ATF6: variants seen among roughly 807,000 people sequenced by gnomAD.
The protein encoded by ATF6 is cyclic AMP-dependent transcription factor ATF-6 alpha.
A neutral mutation model predicts 83.6 loss-of-function variants in ATF6; 53 were observed. The observed-to-expected ratio is 0.63, with a 90% CI of 0.51 to 0.80. The LOEUF is 0.80. Ranked by LOEUF, ATF6 falls within the 30% of genes least tolerant of loss-of-function variation. ATF6 has a pLI of 0.00. For missense variants in ATF6, 744 were observed against 797.9 expected (o/e 0.93, Z 0.81); for synonymous variants, 288 against 285.8 (o/e 1.01, Z -0.08).
intron 9 of ATF6, among the ~76,000 whole-genome samples, chr1:161,842,267 C>T (rs1332052765): frequency 6.6e-6 from 1 of 152,142 alleles, no homozygotes; most frequent in African/African-American, 2.4e-5. Context: ...TTGGTAAAGT[C>T]ACCTAGACTA....
chr1:161,916,507 A>G (rs1475256397), intron 15 of ATF6, among the ~76,000 whole-genome samples: 1 of 152,186 alleles, frequency 6.6e-6, no homozygotes, highest in East Asian at 1.9e-4. Flanking sequence ...TTGCATAACC[A>G]CAATAAAATG....
intron 15 of ATF6, among the ~76,000 whole-genome samples, chr1:161,929,022 TC>T (rs1558029561): frequency 6.6e-6 from 1 of 152,214 alleles, no homozygotes; most frequent in Non-Finnish European, 1.5e-5. Flanking sequence ...TTGAAAACAG[TC>T]AATGTAACTC....
intron 1 of ATF6, among the ~76,000 whole-genome samples, chr1:161,774,469 T>G (rs1405458191): frequency 2.0e-5 from 3 of 151,924 alleles, no homozygotes; most frequent in Non-Finnish European, 4.4e-5. Flanking sequence ...ATTTTAAAAT[T>G]TTGAAATAGT....
chr1:161,800,117 GAT>G (rs1031611817), intron 6 of ATF6, among the ~76,000 whole-genome samples: 3 of 152,114 alleles, frequency 2.0e-5, no homozygotes, highest in Admixed American at 6.6e-5. Flanking sequence ...ATTTTTAATA[GAT>G]TAGTGTTATG....
At chr1:161,796,321 T>C (rs996884347) in intron 6 of ATF6, among the ~76,000 whole-genome samples, 2 of 152,226 alleles carry the variant, frequency 1.3e-5, no homozygotes, top group Non-Finnish European at 2.9e-5. Context: ...CAAAGTTCCC[T>C]GAACAGTGTT....
chr1:161,896,788 C>T (rs879515783), intron 14 of ATF6, among the ~76,000 whole-genome samples: 18 of 151,846 alleles, frequency 1.2e-4, no homozygotes, highest in Admixed American at 9.2e-4. Context: ...ATATAGTTTC[C>T]AGTTTAGATG....
intron 14 of ATF6, among the ~76,000 whole-genome samples, chr1:161,882,671 T>A (rs1687343698): frequency 6.6e-6 from 1 of 151,634 alleles, no homozygotes; most frequent in South Asian, 2.1e-4. Flanking sequence ...ACTTTTTAGT[T>A]TCGTGGAGAA....
intron 14 of ATF6, among the ~76,000 whole-genome samples, chr1:161,886,514 CTTTG>C (rs1687425630): frequency 6.6e-6 from 1 of 152,104 alleles, no homozygotes; most frequent in Non-Finnish European, 1.5e-5. Context: ...AGATGTATAT[CTTTG>C]TTTATATTTA....
intron 14 of ATF6, among the ~76,000 whole-genome samples, chr1:161,906,946 CTTTAAATGAT>C (rs1249635487): frequency 6.6e-6 from 1 of 152,110 alleles, no homozygotes; most frequent in African/African-American, 2.4e-5. Context: ...TTTTAATAGA[CTTTAAATGAT>C]TACATTCTAC....
chr1:161,878,323 C>G (rs1453069648), intron 14 of ATF6, among the ~76,000 whole-genome samples: 2 of 152,054 alleles, frequency 1.3e-5, no homozygotes, highest in Non-Finnish European at 2.9e-5. Flanking sequence ...CCATGTTGGC[C>G]AAGCTGGTCT....
intron 14 of ATF6, among the ~76,000 whole-genome samples, chr1:161,895,954 T>C (rs1235696155): frequency 6.6e-6 from 1 of 152,182 alleles, no homozygotes; most frequent in African/African-American, 2.4e-5. Flanking sequence ...TTACTGATCT[T>C]TGAGAAAAAA....
chr1:161,829,189 CTT>C (rs35619050), intron 9 of ATF6, among the ~76,000 whole-genome samples: 79 of 72,584 alleles, frequency 1.1e-3, no homozygotes, highest in African/African-American at 3.3e-3. Flanking sequence ...TAATGGGAGA[CTT>C]TTTTTTTTTT....
intron 15 of ATF6, among the ~76,000 whole-genome samples, chr1:161,947,295 A>G (rs1173731205): frequency 1.3e-5 from 2 of 152,210 alleles, no homozygotes; most frequent in Non-Finnish European, 2.9e-5. Context: ...GGAAACACCA[A>G]TGTAAGGGAG....
chr1:161,918,748 G>A (rs1445253419), intron 15 of ATF6, among the ~76,000 whole-genome samples: 4 of 152,186 alleles, frequency 2.6e-5, no homozygotes, highest in Non-Finnish European at 5.9e-5. Context: ...AAAATGAGTT[G>A]TGGAGGTGAT....
intron 15 of ATF6, among the ~76,000 whole-genome samples, chr1:161,934,849 A>G (rs757790360): frequency 3.9e-5 from 6 of 152,160 alleles, no homozygotes; most frequent in Non-Finnish European, 7.3e-5. Flanking sequence ...CAACTTTCAC[A>G]TTGTCTGCTT....
At chr1:161,920,522 C>G (rs1437505139) in intron 15 of ATF6, among the ~76,000 whole-genome samples, 4 of 151,946 alleles carry the variant, frequency 2.6e-5, no homozygotes, top group African/African-American at 9.7e-5. Flanking sequence ...TCTCGATCTC[C>G]TGACCTCATG....
At position 161,862,180 on chromosome 1, in the gene ATF6, C is replaced by T. The variant is rs370408251; in HGVS notation, c.1605-1018C>T. On this transcript the variant is annotated intron_variant, in intron 13 of 15. Coordinates refer to ENST00000367942, the MANE Select transcript of ATF6 (RefSeq NM_007348.4). Reference sequence around the variant, plus strand: ...CAGTGACTTTTTAGAACATAACTATCACAAAATAGCAAGAAGCGACTATAT... The same window carrying T: ...CAGTGACTTTTTAGAACATAACTATTACAAAATAGCAAGAAGCGACTATAT... Among the ~76,000 whole-genome samples, 9 of 152,212 alleles carry T rather than the reference C, an allele frequency of 5.9e-5. No homozygotes were observed. The East Asian group carries it at 1.5e-3, about 26-fold the overall frequency.
chr1:161,931,786 A>G (rs1228361765), intron 15 of ATF6, among the ~76,000 whole-genome samples: 1 of 152,230 alleles, frequency 6.6e-6, no homozygotes, highest in Non-Finnish European at 1.5e-5. Flanking sequence ...CTTATGAGAT[A>G]TATGACTTGC....
chr1:161,790,410 C>G (rs1684848692), intron 4 of ATF6, among the ~76,000 whole-genome samples: 1 of 152,040 alleles, frequency 6.6e-6, no homozygotes, highest in South Asian at 2.1e-4. Context: ...TTTCTTTATT[C>G]TAACAAAATG....
Sources: allele counts gnomAD v4.1 joint callset (sites outside exome capture counted in the v4.1 genomes callset), GRCh38; gene constraint gnomAD v4.1.1; transcripts MANE v1.5; gene names NCBI Gene and HGNC (gene_info 2026-07-23, HGNC 2026-07-21).